PTPRB: variants seen among roughly 807,000 people sequenced by gnomAD.
The protein encoded by PTPRB is protein tyrosine phosphatase receptor type B.
In PTPRB, 97 loss-of-function variants were observed where a neutral mutation model predicts 238.1. The observed-to-expected ratio is 0.41, with a 90% CI of 0.35 to 0.48. The LOEUF is 0.48. Ranked by LOEUF, PTPRB falls within the 20% of genes least tolerant of loss-of-function variation. PTPRB has a pLI of 0.30. For synonymous variants in PTPRB, 970 were observed against 995.4 expected (o/e 0.97, Z 0.48); for missense variants, 2,292 against 2,681.9 (o/e 0.85, Z 3.21).
intron 2 of PTPRB, among the ~76,000 whole-genome samples, chr12:70,634,993 T>A (rs1885618384): frequency 6.6e-6 from 1 of 152,200 alleles, no homozygotes; most frequent in Non-Finnish European, 1.5e-5. Context: ...AATTCCTAGC[T>A]CAGGACTGAA....
At chr12:70,534,198 T>C (rs1402761147) in intron 31 of PTPRB, among the ~76,000 whole-genome samples, 2 of 152,040 alleles carry the variant, frequency 1.3e-5, no homozygotes, top group African/African-American at 4.8e-5. Context: ...GGAATTCCCA[T>C]CAGGACTTTG....
chr12:70,556,572 G>A (rs1324318793), intron 18 of PTPRB, among the ~76,000 whole-genome samples: 2 of 152,090 alleles, frequency 1.3e-5, no homozygotes, highest in Non-Finnish European at 2.9e-5. Context: ...ACCAGAAGAA[G>A]AAAGAAAGGA....
intron 10 of PTPRB, among the ~76,000 whole-genome samples, chr12:70,577,057 A>C (rs563836043): frequency 9.5e-4 from 144 of 152,308 alleles, no homozygotes; most frequent in African/African-American, 3.0e-3. Flanking sequence ...ATAAAGCAAA[A>C]ATGTTTGAGT....
chr12:70,586,856 T>C (rs2136443592), intron 9 of PTPRB, 151 bp downstream of exon 9: 2 of 774,150 alleles, frequency 2.6e-6, no homozygotes, highest in Non-Finnish European at 4.0e-6. Flanking sequence ...AGAACTGCAA[T>C]TGGTAAAATA....
Position 70,552,926 on chromosome 12 carries a change from ATAAT to A in PTPRB, c.5234_5237del (p.Asn1745IlefsTer28). The A allele has an allele frequency of 3.1e-6, 5 of 1,613,976 alleles. No homozygotes were observed. The highest frequency in any genetic ancestry group is 4.2e-6 in the Non-Finnish European group (5 of 1,179,884). ...GATTTTCGGCACATTTGCTGGCAAA[ATAAT>A]TAGTCTGATACACCCGAATGGAGGC... On this transcript the variant is annotated frameshift_variant, in exon 21 of 34. Coordinates refer to ENST00000334414, the MANE Select transcript of PTPRB (RefSeq NM_001109754.4). LOFTEE classifies it high-confidence loss of function.
chr12:70,564,362 A>G (rs1270828707), intron 15 of PTPRB, among the ~76,000 whole-genome samples: 2 of 151,890 alleles, frequency 1.3e-5, no homozygotes, highest in Non-Finnish European at 2.9e-5. Context: ...AAATATAAAA[A>G]TTAGCCGGGT....
At chr12:70,579,514 A>C (rs1170393217) in intron 10 of PTPRB, among the ~76,000 whole-genome samples, 1 of 151,944 alleles carries the variant, frequency 6.6e-6, no homozygotes, top group East Asian at 1.9e-4. Context: ...CTGGCCAACA[A>C]GCTGAAACCC....
intron 18 of PTPRB, among the ~76,000 whole-genome samples, chr12:70,557,533 G>A (rs540268016): frequency 2.9e-4 from 44 of 152,212 alleles, no homozygotes; most frequent in African/African-American, 9.9e-4. Context: ...TCTAGCACCC[G>A]GGACTGAATA....
intron 10 of PTPRB, among the ~76,000 whole-genome samples, chr12:70,580,483 G>A (rs1194315857): frequency 1.3e-5 from 2 of 152,210 alleles, no homozygotes; most frequent in Non-Finnish European, 2.9e-5. Context: ...AGGGGGATAA[G>A]TCTAGACATC....
intron 3 of PTPRB, among the ~76,000 whole-genome samples, chr12:70,617,807 T>C (rs1041810595): frequency 2.0e-5 from 3 of 151,956 alleles, no homozygotes; most frequent in Admixed American, 2.0e-4. Flanking sequence ...ACAATGGCTA[T>C]TCATGAACTG....
At chr12:70,622,948 T>TA (rs1885011318) in intron 2 of PTPRB, among the ~76,000 whole-genome samples, 1 of 128,904 alleles carries the variant, frequency 7.8e-6, no homozygotes, top group Admixed American at 7.9e-5. Context: ...TATGAGAATT[T>TA]AGGGGGGGGG....
At chr12:70,589,908 T>C in intron 8 of PTPRB, 56 bp downstream of exon 8, 1 of 1,546,136 alleles carries the variant, frequency 6.5e-7, no homozygotes, top group Non-Finnish European at 8.8e-7. Flanking sequence ...CTGGGTTACC[T>C]GGGAGAGGGA....
chr12:70,536,692 C>T (rs558834574), intron 28 of PTPRB, among the ~76,000 whole-genome samples: 55 of 152,320 alleles, frequency 3.6e-4, no homozygotes, highest in Admixed American at 5.9e-4. Context: ...ACTCCTTCTG[C>T]ACTCCGGCAA....
chr12:70,602,676 G>C (rs1425814032), intron 4 of PTPRB, among the ~76,000 whole-genome samples: 1 of 152,140 alleles, frequency 6.6e-6, no homozygotes, highest in African/African-American at 2.4e-5. Context: ...GAGTGGGTGG[G>C]GATATAGATG....
Position 70,594,334 on chromosome 12 carries a change from G to A in PTPRB, c.1516+133C>T, listed in dbSNP as rs184189610. On this transcript the variant is annotated intron_variant, in intron 6 of 33. Transcript: ENST00000334414. The stretch of plus-strand genomic sequence containing the variant: ...TCCTTCTTTTTCTGAGTAGAAAAGT[G>A]GATATGGGTCTTCTATACCTTATAA... 8.7e-4 allele frequency: 1,045 copies of A among 1,202,614 alleles called. 1 individual carries two copies. Among genetic ancestry groups the A allele is most frequent in the Non-Finnish European group, 1.1e-3 (1,001 of 880,282 alleles). 74.5% of individuals were successfully genotyped at this position (1,202,614 alleles called of 1,614,324 possible).
intron 15 of PTPRB, among the ~76,000 whole-genome samples, chr12:70,564,847 AATAATAAT>A (rs1565949704): frequency 4.8e-3 from 18 of 3,718 alleles, no homozygotes; most frequent in African/African-American, 0.023. Flanking sequence ...AATAATAAAT[AATAATAAT>A]AATAATAATA....
chr12:70,556,296 A>AT (rs1877670248), intron 18 of PTPRB, 148 bp from the exon 19 acceptor site: 1 of 750,752 alleles, frequency 1.3e-6, no homozygotes, highest in Admixed American at 2.9e-5. Flanking sequence ...TAGCAGAGAC[A>AT]CATGAGCATA....
chr12:70,602,016 T>C (rs984155867), intron 4 of PTPRB, among the ~76,000 whole-genome samples: 31 of 151,886 alleles, frequency 2.0e-4, no homozygotes, highest in African/African-American at 6.5e-4. Flanking sequence ...AGGATGGTCT[T>C]GATCTCCTGA....
At position 70,581,150 on chromosome 12, in the gene PTPRB, C is replaced by T. The variant is rs1881347846; in HGVS notation, c.2464G>A (p.Glu822Lys). The change falls in exon 10 of 34, where the codon GAG becomes AAG. Residue 822 changes from glutamate to lysine, a missense_variant. Transcript: ENST00000334414. ...GAGTGGAAGCTGTATCTGCTGGTCT[C>T]ACTGGAGATGCTTTCATTTTTAATG... is the stretch of plus-strand genomic sequence containing the variant. ...VVIKNESISS[E>K]TSRYSFHSLK... 1 of 1,613,888 alleles carries T rather than the reference C, an allele frequency of 6.2e-7. No homozygotes were observed. Among genetic ancestry groups the T allele is most frequent in the Admixed American group, 1.7e-5 (1 of 60,006 alleles).
Sources: gnomAD v4.1 joint callset for allele counts (sites outside exome capture counted in the v4.1 genomes callset) on GRCh38, gnomAD v4.1.1 for gene constraint, MANE v1.5 for transcripts, NCBI Gene and HGNC (gene_info 2026-07-23, HGNC 2026-07-21) for gene names.